NBAS: variants seen among roughly 807,000 people sequenced by gnomAD.
NBAS encodes NAG/BC035112 fusion.
Under a neutral mutation model 302.5 loss-of-function variants are expected in NBAS, and 219 were observed. The observed-to-expected ratio is 0.72, with a 90% CI of 0.65 to 0.81. NBAS has a LOEUF of 0.81. NBAS is among the 30% of genes least tolerant of loss of function. NBAS has a pLI of 0.00. For synonymous variants in NBAS, 1,118 were observed against 1,021.6 expected (o/e 1.09, Z -1.80); for missense variants, 2,932 against 2,841.6 (o/e 1.03, Z -0.72).
At chr2:15,044,231 T>A in the NBAS span, among the ~76,000 whole-genome samples, 1 of 152,220 alleles carries the variant, frequency 6.6e-6, no homozygotes, top group Non-Finnish European at 1.5e-5. Context: ...TAAGACTACC[T>A]GCTAATATGC....
chr2:15,380,430 A>T (rs561417753), intron 29 of NBAS, among the ~76,000 whole-genome samples: 1 of 152,198 alleles, frequency 6.6e-6, no homozygotes, highest in African/African-American at 2.4e-5. Context: ...CATATAATTC[A>T]TAACTGCTTG....
At chr2:15,147,269 G>A in the NBAS span, among the ~76,000 whole-genome samples, 1 of 152,084 alleles carries the variant, frequency 6.6e-6, no homozygotes, top group Non-Finnish European at 1.5e-5. Flanking sequence ...CTATTATCTA[G>A]GAAACTTCTA....
chr2:14,821,134 G>C, the NBAS span, among the ~76,000 whole-genome samples: 4 of 152,042 alleles, frequency 2.6e-5, no homozygotes, highest in Non-Finnish European at 5.9e-5. Context: ...CACCGTATTA[G>C]CCAGAATGGT....
the NBAS span, among the ~76,000 whole-genome samples, chr2:14,878,456 TATCATTGG>T: frequency 1.3e-5 from 2 of 152,098 alleles, no homozygotes; most frequent in Non-Finnish European, 1.5e-5. Flanking sequence ...AAAGGAGCCA[TATCATTGG>T]GTGGGCCAGC....
chr2:15,115,860 T>C, the NBAS span, among the ~76,000 whole-genome samples: 3 of 152,210 alleles, frequency 2.0e-5, no homozygotes, highest in African/African-American at 7.2e-5. Context: ...GCAGATGACC[T>C]TAACAATAAC....
At chr2:15,225,245 A>G (rs1163147257) in intron 47 of NBAS, among the ~76,000 whole-genome samples, 1 of 152,256 alleles carries the variant, frequency 6.6e-6, no homozygotes. Context: ...CTTATCAGTG[A>G]AAGGGTGGAC....
the NBAS span, among the ~76,000 whole-genome samples, chr2:15,062,717 C>A: frequency 3.3e-5 from 5 of 152,162 alleles, no homozygotes; most frequent in Non-Finnish European, 5.9e-5. Flanking sequence ...CTCTGATTAA[C>A]ATTCATGGTT....
At chr2:15,289,466 T>G (rs1670205062) in intron 41 of NBAS, among the ~76,000 whole-genome samples, 1 of 152,190 alleles carries the variant, frequency 6.6e-6, no homozygotes, top group East Asian at 1.9e-4. Flanking sequence ...GAGAATTCCT[T>G]GAGAACAGGG....
At chr2:15,478,587 C>G (rs1474126681) in intron 12 of NBAS, among the ~76,000 whole-genome samples, 1 of 152,148 alleles carries the variant, frequency 6.6e-6, no homozygotes, top group Non-Finnish European at 1.5e-5. Flanking sequence ...AGAATTCATC[C>G]TATACACATG....
chr2:15,399,846 T>C (rs1047254457), intron 26 of NBAS, among the ~76,000 whole-genome samples: 9 of 152,148 alleles, frequency 5.9e-5, no homozygotes, highest in African/African-American at 1.9e-4. Flanking sequence ...CAGAATGCCA[T>C]TGAACTTCTC....
At chr2:14,948,928 C>A in the NBAS span, among the ~76,000 whole-genome samples, 1 of 151,988 alleles carries the variant, frequency 6.6e-6, no homozygotes, top group Admixed American at 6.6e-5. Flanking sequence ...ATAAAGCACC[C>A]AAATATAAAT....
At chr2:15,294,070 T>C (rs1391614385) in intron 40 of NBAS, among the ~76,000 whole-genome samples, 1 of 152,216 alleles carries the variant, frequency 6.6e-6, no homozygotes, top group Non-Finnish European at 1.5e-5. Flanking sequence ...ACCTGTTATG[T>C]AACAAGTCAT....
chr2:14,805,247 TGGGG>T, the NBAS span, among the ~76,000 whole-genome samples: 1 of 152,162 alleles, frequency 6.6e-6, no homozygotes, highest in Non-Finnish European at 1.5e-5. Context: ...GGGTAGTCCT[TGGGG>T]CATTTTGGAG....
At position 15,461,348 on chromosome 2, in the gene NBAS, G is replaced by C. The variant is rs1679499332; in HGVS notation, c.2203-11C>G. 6.2e-7 allele frequency: 1 copy of C among 1,610,462 alleles called. No individual in the cohort carries two copies. ...TTGTACATTACTTTCCTGTACAAAAGGCAAGGGGTAAGTTTCTAATGTAAA... is the reference window on the plus strand; with the variant it reads ...TTGTACATTACTTTCCTGTACAAAACGCAAGGGGTAAGTTTCTAATGTAAA... On this transcript the variant is annotated splice_polypyrimidine_tract_variant and intron_variant, in intron 20 of 51. Coordinates refer to ENST00000281513, the MANE Select transcript of NBAS (RefSeq NM_015909.4).
At chr2:15,279,794 T>C (rs1189041932) in intron 42 of NBAS, among the ~76,000 whole-genome samples, 1 of 152,210 alleles carries the variant, frequency 6.6e-6, no homozygotes, top group Non-Finnish European at 1.5e-5. Flanking sequence ...CTTTTATAGA[T>C]GCTAGTAATC....
intron 6 of NBAS, among the ~76,000 whole-genome samples, chr2:15,548,796 A>C (rs1282151317): frequency 6.6e-6 from 1 of 151,958 alleles, no homozygotes; most frequent in Non-Finnish European, 1.5e-5. Context: ...AAAATATACA[A>C]GACTAATTAA....
chr2:15,034,033 GAGGA>G, the NBAS span, among the ~76,000 whole-genome samples: 3,555 of 56,110 alleles, frequency 0.063, 355 homozygotes, highest in African/African-American at 0.23. Context: ...AGAAGAGGAG[GAGGA>G]AGGAGGAGGA....
At chr2:15,051,568 T>C in the NBAS span, among the ~76,000 whole-genome samples, 1 of 152,088 alleles carries the variant, frequency 6.6e-6, no homozygotes, top group Non-Finnish European at 1.5e-5. Context: ...CCTCCCAGAG[T>C]TGTGGAATTA....
At chr2:15,177,623 G>A (rs1481598061) in intron 51 of NBAS, among the ~76,000 whole-genome samples, 1 of 152,132 alleles carries the variant, frequency 6.6e-6, no homozygotes, top group Non-Finnish European at 1.5e-5. Flanking sequence ...CACAGTGTAC[G>A]AGGGTGGGGA....
Sources: gnomAD v4.1 joint callset for allele counts (sites outside exome capture counted in the v4.1 genomes callset) on GRCh38, gnomAD v4.1.1 for gene constraint, MANE v1.5 for transcripts, NCBI Gene and HGNC (gene_info 2026-07-23, HGNC 2026-07-21) for gene names.